The following CRCP variants were observed in gnomAD, a reference collection of about 807,000 sequenced individuals.
CRCP encodes DNA-directed RNA polymerase III subunit RPC9.
In CRCP, 18 loss-of-function variants were observed where a neutral mutation model predicts 18.5. The observed-to-expected ratio is 0.97, with a 90% confidence interval of 0.67 to 1.44. The LOEUF (loss-of-function observed/expected upper bound fraction) is 1.44. CRCP is among the 40% of genes most tolerant of loss of function. The pLI, the probability that CRCP is intolerant of heterozygous loss-of-function variation, is 0.00. For synonymous variants in CRCP, 53 were observed against 62.9 expected (o/e 0.84, Z 0.75); for missense variants, 130 against 176.4 (o/e 0.74, Z 1.49).
intron 5 of CRCP, among the ~76,000 whole-genome samples, chr7:66,151,745 T>G (rs1263710438): frequency 7.9e-6 from 1 of 127,266 alleles, no homozygotes; most frequent in Non-Finnish European, 1.6e-5. Flanking sequence ...TTTCCTTTTT[T>G]TCTTTTCTTT....
chr7:66,144,801 C>T (rs1788244513), intron 4 of CRCP, among the ~76,000 whole-genome samples: 1 of 152,130 alleles, frequency 6.6e-6, no homozygotes, highest in African/African-American at 2.4e-5. Flanking sequence ...TTAGTTGGTA[C>T]TTTCTATAAT....
In CRCP at chr7:66,116,489, A is replaced by T. The variant is rs1423243767; in HGVS notation, c.8+1519A>T. Among the ~76,000 whole-genome samples the T allele has an allele frequency of 5.5e-4, 4 of 7,268 alleles. No individual in the cohort carries two copies. The African/African-American group carries it at 7.2e-3, about 13-fold the overall frequency. 4.8% of individuals were successfully genotyped at this position (7,268 alleles called of 152,430 possible). A position where few individuals can be genotyped will look rare whatever the true frequency, so the allele number is the denominator to read the frequency against. On this transcript the variant is annotated intron_variant, in intron 1 of 5. Transcript: ENST00000395326. ...GAGTGACAGTGTAAGGCTCTGTCTTAAAAAAAAAAAAAAAAAAAAATTGAA... is the reference window on the plus strand; with the variant it reads ...GAGTGACAGTGTAAGGCTCTGTCTTTAAAAAAAAAAAAAAAAAAAATTGAA...
chr7:66,134,544 T>A, intron 4 of CRCP, 170 bp downstream of exon 4: 6 of 336,350 alleles, frequency 1.8e-5, no homozygotes, highest in Non-Finnish European at 2.4e-5. Flanking sequence ...AAGGAACAAA[T>A]CTTTTTTTTT....
At chr7:66,146,858 C>G (rs1337563400) in intron 5 of CRCP, among the ~76,000 whole-genome samples, 2 of 152,236 alleles carry the variant, frequency 1.3e-5, no homozygotes, top group East Asian at 3.9e-4. Flanking sequence ...ACAAACAGAA[C>G]AGCAAGAAAC....
intron 2 of CRCP, 50 bp from the exon 3 acceptor site, chr7:66,130,694 A>G: frequency 1.8e-6 from 2 of 1,090,336 alleles, no homozygotes; most frequent in Non-Finnish European, 2.8e-6. Context: ...CCTTGGATAG[A>G]TATATTTCTC....
intron 3 of CRCP, among the ~76,000 whole-genome samples, chr7:66,131,385 C>T (rs1787798593): frequency 6.6e-6 from 1 of 152,180 alleles, no homozygotes; most frequent in South Asian, 2.1e-4. Context: ...GCCCTCATTT[C>T]TCCTTGAAAG....
intron 3 of CRCP, among the ~76,000 whole-genome samples, chr7:66,131,065 C>T (rs1016644083): frequency 2.6e-5 from 4 of 152,192 alleles, no homozygotes; most frequent in African/African-American, 9.7e-5. Flanking sequence ...AGCTCCACCT[C>T]CCAGGTTCAT....
intron 4 of CRCP, among the ~76,000 whole-genome samples, 191 bp from the exon 5 acceptor site, chr7:66,145,252 G>A (rs545025416): frequency 1.4e-4 from 21 of 152,216 alleles, no homozygotes; most frequent in African/African-American, 4.1e-4. Context: ...ATACCCATTC[G>A]TACCGTGGGC....
intron 1 of CRCP, among the ~76,000 whole-genome samples, chr7:66,117,545 A>G (rs1259623038): frequency 6.6e-6 from 1 of 152,100 alleles, no homozygotes; most frequent in Non-Finnish European, 1.5e-5. Flanking sequence ...CCTAGAATAT[A>G]TTTTGAATGC....
intron 3 of CRCP, among the ~76,000 whole-genome samples, chr7:66,132,720 G>A (rs538171731): frequency 1.4e-4 from 22 of 151,848 alleles, no homozygotes; most frequent in African/African-American, 2.9e-4. Flanking sequence ...TCGAGACCAC[G>A]GTGAAACCCC....
intron 1 of CRCP, among the ~76,000 whole-genome samples, chr7:66,122,676 G>A (rs1287508213): frequency 6.6e-6 from 1 of 151,266 alleles, no homozygotes; most frequent in African/African-American, 2.4e-5. Context: ...ATGTTAATTT[G>A]CCAGGCTGCT....
Position 66,145,251 on chromosome 7 carries a change from C to T in CRCP, c.240-192C>T, listed in dbSNP as rs188457849. 4.6e-5 allele frequency among the ~76,000 whole-genome samples: 7 copies of T among 152,324 alleles called. No individual in the cohort carries two copies. The East Asian group carries it at 9.6e-4, about 21-fold the overall frequency. On this transcript the variant is annotated intron_variant, in intron 4 of 5. Coordinates refer to ENST00000395326, the MANE Select transcript of CRCP (RefSeq NM_014478.5). The stretch of plus-strand genomic sequence containing the variant: ...TACAATCATGCCTCTGATACCCATT[C>T]GTACCGTGGGCTGGGAGTCACTCAC...
rs555914679 is a variant in CRCP, at chr7:66,139,752, T to G, written c.239+5378T>G. 5.6e-4 allele frequency among the ~76,000 whole-genome samples: 85 copies of G among 152,344 alleles called. 2 individuals carry two copies. Among genetic ancestry groups the G allele is most frequent in the Non-Finnish European group, 3.2e-4 (22 of 68,024 alleles). On this transcript the variant is annotated intron_variant, in intron 4 of 5. Coordinates refer to ENST00000395326, the MANE Select transcript of CRCP (RefSeq NM_014478.5). ...TTGCTCCCTTCTCACTTGGGGTCTT[T>G]GCTGTGCTGGGTCTGTTCCATGCTT... is the stretch of plus-strand genomic sequence containing the variant.
chr7:66,119,384 T>G (rs542209586), intron 1 of CRCP, among the ~76,000 whole-genome samples: 1 of 152,218 alleles, frequency 6.6e-6, no homozygotes, highest in East Asian at 1.9e-4. Context: ...TAAACCTAAG[T>G]AGGTGTTTTG....
rs980068157 is a variant in CRCP, at chr7:66,153,429, A to G, written c.*1072A>G. 1 of 152,118 alleles carries G rather than the reference A, an allele frequency of 6.6e-6. No homozygotes were observed. The highest frequency in any genetic ancestry group is 1.5e-5 in the Non-Finnish European group (1 of 68,026). 9.4% of individuals were successfully genotyped at this position (152,118 alleles called of 1,614,324 possible). A position where few individuals can be genotyped will look rare whatever the true frequency, so the allele number is the denominator to read the frequency against. ...ACTCCAGCCTGGGCAACAAGAGCAA[A>G]ACTTCATCTAAAAAACAGAAAATAT... is the stretch of plus-strand genomic sequence containing the variant. On this transcript the variant is annotated 3_prime_UTR_variant, in exon 6 of 6. Coordinates refer to ENST00000395326, the MANE Select transcript of CRCP (RefSeq NM_014478.5).
In CRCP at chr7:66,153,687, G is replaced by A. The variant is rs316306; in HGVS notation, c.*1330G>A. Reference sequence around the variant, plus strand: ...TACTTCTCTTCCAACCCTCCTGCCCGTCCATCCATCCCAGTCCCCAGGCAT... The same window carrying A: ...TACTTCTCTTCCAACCCTCCTGCCCATCCATCCATCCCAGTCCCCAGGCAT... On this transcript the variant is annotated 3_prime_UTR_variant, in exon 6 of 6. Coordinates refer to ENST00000395326, the MANE Select transcript of CRCP (RefSeq NM_014478.5). 116,750 of 151,974 alleles carry A rather than the reference G, an allele frequency of 0.77. 45,039 individuals carry two copies. Among genetic ancestry groups the A allele is most frequent in the African/African-American group, 0.82 (34,071 of 41,458 alleles). 9.4% of individuals were successfully genotyped at this position (151,974 alleles called of 1,614,324 possible). A position where few individuals can be genotyped will look rare whatever the true frequency, so the allele number is the denominator to read the frequency against.
intron 5 of CRCP, 97 bp from the exon 6 acceptor site, chr7:66,152,111 C>T: frequency 1.4e-6 from 2 of 1,406,870 alleles, no homozygotes; most frequent in Non-Finnish European, 2.0e-6. Context: ...GGTCTGTGTG[C>T]CAGGAGGCCG....
At chr7:66,123,214 A>G (rs1787504005) in intron 1 of CRCP, among the ~76,000 whole-genome samples, 2 of 152,114 alleles carry the variant, frequency 1.3e-5, no homozygotes, top group South Asian at 4.1e-4. Context: ...TTGGCCTCCC[A>G]AAGTGCCGGG....
chr7:66,131,962 T>C (rs958653354), intron 3 of CRCP, among the ~76,000 whole-genome samples: 1 of 35,892 alleles, frequency 2.8e-5, no homozygotes, highest in Non-Finnish European at 5.5e-5. Context: ...GGTTTCTCCA[T>C]GTTGGTCAGG....
Sources: allele counts gnomAD v4.1 joint callset (sites outside exome capture counted in the v4.1 genomes callset), GRCh38; gene constraint gnomAD v4.1.1; transcripts MANE v1.5; gene names NCBI Gene and HGNC (gene_info 2026-07-23, HGNC 2026-07-21).